SLC4A10: variants seen among roughly 807,000 people sequenced by gnomAD.
SLC4A10 encodes the protein solute carrier family 4 member 10.
Under a neutral mutation model 137.7 loss-of-function variants are expected in SLC4A10, and 42 were observed. The ratio of observed to expected loss-of-function variants is 0.30; its 90% CI spans 0.24 to 0.39. SLC4A10 has a LOEUF of 0.39. Among genes scored for constraint, SLC4A10 ranks in the 10% least tolerant of loss-of-function variants. The pLI is 1.00. For synonymous variants in SLC4A10, 474 were observed against 464.1 expected (o/e 1.02, Z -0.27); for missense variants, 925 against 1,355.0 (o/e 0.68, Z 4.98).
chr2:161,723,068 TC>T (rs1195691372), intron 1 of SLC4A10, among the ~76,000 whole-genome samples: 1 of 152,148 alleles, frequency 6.6e-6, no homozygotes, highest in Admixed American at 6.6e-5. Context: ...ATGGAGGCTG[TC>T]CCTTTCCCTC....
chr2:161,748,957 T>C (rs566842740), intron 1 of SLC4A10, among the ~76,000 whole-genome samples: 8 of 152,162 alleles, frequency 5.3e-5, no homozygotes, highest in Non-Finnish European at 8.8e-5. Flanking sequence ...AATATTTTTT[T>C]AACATTTTAT....
intron 15 of SLC4A10, among the ~76,000 whole-genome samples, chr2:161,913,931 G>T (rs1046738473): frequency 6.6e-6 from 1 of 152,142 alleles, no homozygotes; most frequent in African/African-American, 2.4e-5. Flanking sequence ...GTAAAATGTT[G>T]ATACATTAGT....
At chr2:161,828,395 G>T (rs992142645) in intron 3 of SLC4A10, among the ~76,000 whole-genome samples, 2 of 151,322 alleles carry the variant, frequency 1.3e-5, no homozygotes, top group African/African-American at 4.9e-5. Context: ...TTGAGCTTTT[G>T]AATTTTTGAT....
At chr2:161,887,817 C>G (rs1180580909) in intron 10 of SLC4A10, among the ~76,000 whole-genome samples, 2 of 152,112 alleles carry the variant, frequency 1.3e-5, no homozygotes, top group Admixed American at 6.6e-5. Flanking sequence ...AATTAGCTCC[C>G]ATTTGTCAGT....
chr2:161,887,286 G>T (rs188512942), intron 10 of SLC4A10, among the ~76,000 whole-genome samples: 1 of 152,092 alleles, frequency 6.6e-6, no homozygotes, highest in African/African-American at 2.4e-5. Context: ...ATAGTAGAAC[G>T]TATCTTTATA....
intron 3 of SLC4A10, among the ~76,000 whole-genome samples, chr2:161,821,118 A>T (rs951641076): frequency 3.9e-5 from 6 of 152,100 alleles, no homozygotes; most frequent in Admixed American, 6.6e-5. Context: ...ATTTTTAATG[A>T]GCTTTTATTG....
intron 23 of SLC4A10, among the ~76,000 whole-genome samples, chr2:161,973,488 A>C (rs1575945963): frequency 1.3e-5 from 2 of 152,166 alleles, no homozygotes; most frequent in African/African-American, 4.8e-5. Context: ...AATCATTTCC[A>C]CCCTTTGAGG....
At chr2:161,662,883 G>C (rs967559108) in intron 1 of SLC4A10, among the ~76,000 whole-genome samples, 7 of 152,188 alleles carry the variant, frequency 4.6e-5, no homozygotes, top group Non-Finnish European at 7.3e-5. Flanking sequence ...GGATATTACT[G>C]CAAGAGTAAC....
chr2:161,870,837 G>C (rs537045459), intron 6 of SLC4A10, among the ~76,000 whole-genome samples: 1 of 151,812 alleles, frequency 6.6e-6, no homozygotes, highest in South Asian at 2.1e-4. Flanking sequence ...ATGGTTTGAG[G>C]TGAACTTATT....
intron 1 of SLC4A10, among the ~76,000 whole-genome samples, chr2:161,632,227 A>G (rs1314041439): frequency 1.3e-5 from 2 of 151,758 alleles, no homozygotes; most frequent in Non-Finnish European, 3.0e-5. Flanking sequence ...AAAAGTAGGT[A>G]TATAACAACT....
At chr2:161,882,120 C>A (rs2061837117) in intron 9 of SLC4A10, among the ~76,000 whole-genome samples, 1 of 147,684 alleles carries the variant, frequency 6.8e-6, no homozygotes, top group African/African-American at 2.5e-5. Flanking sequence ...AACGGAGAAA[C>A]ACTGTGATAA....
chr2:161,958,389 C>A (rs1696039568), intron 20 of SLC4A10, 98 bp from the exon 21 acceptor site: 3 of 917,664 alleles, frequency 3.3e-6, no homozygotes, highest in African/African-American at 1.7e-5. Flanking sequence ...TGTTTCTATT[C>A]AAAAATGCCT....
chr2:161,734,523 G>A (rs1025873287), intron 1 of SLC4A10, among the ~76,000 whole-genome samples: 13 of 151,510 alleles, frequency 8.6e-5, no homozygotes, highest in African/African-American at 1.2e-4. Flanking sequence ...TCCCAGTCTC[G>A]GGTATGTTTT....
chr2:161,773,479 A>G (rs2051918217), intron 2 of SLC4A10, among the ~76,000 whole-genome samples: 1 of 151,924 alleles, frequency 6.6e-6, no homozygotes. Context: ...AATATTTTAA[A>G]TACAATGGAG....
intron 1 of SLC4A10, among the ~76,000 whole-genome samples, chr2:161,695,929 A>G (rs575661788): frequency 5.3e-5 from 8 of 151,968 alleles, no homozygotes; most frequent in Non-Finnish European, 8.8e-5. Flanking sequence ...TTTTTTTATT[A>G]TACTTTAAGT....
intron 15 of SLC4A10, among the ~76,000 whole-genome samples, chr2:161,924,067 A>G (rs1306640308): frequency 6.6e-6 from 1 of 152,184 alleles, no homozygotes; most frequent in Non-Finnish European, 1.5e-5. Context: ...CAGAGTCACT[A>G]GAAATTATTT....
At chr2:161,735,157 AT>A (rs1305979413) in intron 1 of SLC4A10, among the ~76,000 whole-genome samples, 1 of 148,510 alleles carries the variant, frequency 6.7e-6, no homozygotes, top group Admixed American at 6.7e-5. Context: ...ATACATATAT[AT>A]AATATACATA....
At chr2:161,831,239 A>G (rs1316063909) in intron 3 of SLC4A10, among the ~76,000 whole-genome samples, 1 of 152,176 alleles carries the variant, frequency 6.6e-6, no homozygotes, top group African/African-American at 2.4e-5. Flanking sequence ...GCCCTCTGAA[A>G]TACTCTCAAT....
chr2:161,649,397 A>C (rs1463078382), intron 1 of SLC4A10, among the ~76,000 whole-genome samples: 5 of 152,210 alleles, frequency 3.3e-5, no homozygotes, highest in African/African-American at 9.6e-5. Context: ...TGATTGAAAA[A>C]CAATATGTGA....
Sources: allele counts gnomAD v4.1 joint callset (sites outside exome capture counted in the v4.1 genomes callset), GRCh38; gene constraint gnomAD v4.1.1; transcripts MANE v1.5; gene names NCBI Gene and HGNC (gene_info 2026-07-23, HGNC 2026-07-21).